HEATR3: variants seen among roughly 807,000 people sequenced by gnomAD.
The protein encoded by HEATR3 is HEAT repeat-containing protein 3.
HEATR3 carries 56 observed loss-of-function variants against 72.8 expected under a neutral mutation model. That is an observed-to-expected ratio of 0.77 (90% CI 0.62 to 0.96). The LOEUF (loss-of-function observed/expected upper bound fraction) is 0.96. HEATR3 is among the 40% of genes least tolerant of loss of function. The pLI is 0.00. For missense variants in HEATR3, 747 were observed against 831.4 expected, an observed-to-expected ratio of 0.90 and a Z score of 1.25; for synonymous variants, 331 against 318.1, an observed-to-expected ratio of 1.04 and a Z score of -0.43.
chr16:50,083,365 C>A (rs1165401169), intron 7 of HEATR3, among the ~76,000 whole-genome samples: 1 of 152,022 alleles, frequency 6.6e-6, no homozygotes, highest in African/African-American at 2.4e-5. Context: ...AAAAAAAAAG[C>A]TTCCTTCTTT....
rs777888453 is a variant in HEATR3 at position 50,070,293 on chromosome 16, A to G, written c.512+3A>G. The G allele has an allele frequency of 5.0e-5, 73 of 1,449,810 alleles. No homozygotes were observed. Among genetic ancestry groups the G allele is most frequent in the Non-Finnish European group, 6.8e-5 (70 of 1,032,762 alleles). 89.8% of individuals were successfully genotyped at this position (1,449,810 alleles called of 1,614,324 possible). A position where few individuals can be genotyped will look rare whatever the true frequency, so the allele number is the denominator to read the frequency against. ...GTGAACGTGCTGTGGAATATATGGT[A>G]AGATGCCTACCAAACACAGTCTCCT... is the stretch of plus-strand genomic sequence containing the variant. On this transcript the variant is annotated splice_donor_region_variant and intron_variant, in intron 4 of 14. Coordinates refer to ENST00000299192, the MANE Select transcript of HEATR3 (RefSeq NM_182922.4).
Position 50,066,378 on chromosome 16 carries a change from G to T in HEATR3, c.150G>T (p.Pro50=). 6.5e-7 allele frequency: 1 copy of T among 1,548,774 alleles called. No individual in the cohort carries two copies. Among genetic ancestry groups the T allele is most frequent in the Non-Finnish European group, 8.6e-7 (1 of 1,158,584 alleles). The change falls in exon 2 of 15, where the codon CCG becomes CCT. Residue 50 remains proline, a synonymous_variant. Coordinates refer to ENST00000299192, the MANE Select transcript of HEATR3 (RefSeq NM_182922.4). ...GCTCTCATCCGCAGCTCCAGCACCC[G>T]AGCGCCGAGGTCCGCGAGTGCGCCT... ...AAELLEKLQH[P]SAEVRECACA... is the part of the protein sequence containing the mutation.
intron 12 of HEATR3, among the ~76,000 whole-genome samples, chr16:50,097,686 G>A (rs2037273168): frequency 1.3e-5 from 2 of 152,172 alleles, no homozygotes; most frequent in South Asian, 2.1e-4. Flanking sequence ...AGGCTGAGGT[G>A]GGCGGATCAC....
At chr16:50,080,918 G>A (rs1395788789) in intron 7 of HEATR3, among the ~76,000 whole-genome samples, 3 of 152,196 alleles carry the variant, frequency 2.0e-5, no homozygotes, top group Non-Finnish European at 4.4e-5. Context: ...TGCTGGGAAT[G>A]AGAGAATGGC....
intron 6 of HEATR3, among the ~76,000 whole-genome samples, chr16:50,076,723 G>A (rs1186508511): frequency 6.0e-5 from 6 of 99,236 alleles, no homozygotes; most frequent in African/African-American, 1.2e-4. Flanking sequence ...TTTTTGAGAC[G>A]GACTCTTGCT....
chr16:50,104,125 G>A (rs931488559), intron 14 of HEATR3, among the ~76,000 whole-genome samples: 1 of 152,138 alleles, frequency 6.6e-6, no homozygotes, highest in Non-Finnish European at 1.5e-5. Context: ...CAAGGTGGTA[G>A]GATCACTTGA....
Position 50,084,284 on chromosome 16 carries a change from C to T in HEATR3, c.1283C>T (p.Pro428Leu), listed in dbSNP as rs200031126. 4 of 1,613,436 alleles carry T rather than the reference C, an allele frequency of 2.5e-6. No homozygotes were observed. The Admixed American group carries it at 5.0e-5, about 20-fold the overall frequency. Residue 428 changes from proline (P) to leucine (L), a missense_variant, in exon 9 of 15, where the codon CCA becomes CTA. By Grantham distance (98) the Pro-to-Leu change is moderately conservative (BLOSUM62 -3). This residue lies in a region of HEATR3 where 586 missense variants were observed against 708.8 expected (regional missense o/e 0.83). Transcript: ENST00000299192. Reference protein sequence around the residue: ...VHTALTNYLIPKKIFEKTAFP... With the variant: ...VHTALTNYLILKKIFEKTAFP... Reference sequence around the variant, plus strand: ...ACGGCTCTCACCAACTACCTCATCCCAAAGAAGGTAATCCATTTTCATTCT... The same window carrying T: ...ACGGCTCTCACCAACTACCTCATCCTAAAGAAGGTAATCCATTTTCATTCT...
chr16:50,102,241 G>T lies in HEATR3; in HGVS notation c.1744-18G>T. On this transcript the variant is annotated intron_variant, in intron 13 of 14. Transcript: ENST00000299192. Reference sequence around the variant, plus strand: ...GAGACTGGTGTTAGTCATACTAAATGTGTTTTGTTGTTTCCAGAACATTGG... The same window carrying T: ...GAGACTGGTGTTAGTCATACTAAATTTGTTTTGTTGTTTCCAGAACATTGG... 6.2e-7 allele frequency: 1 copy of T among 1,604,106 alleles called. No individual in the cohort carries two copies. The highest frequency in any genetic ancestry group is 8.5e-7 in the Non-Finnish European group (1 of 1,175,822).
Position 50,084,157 on chromosome 16 carries a change from G to A in HEATR3, c.1156G>A (p.Glu386Lys). ...NEDPSDDEWE[E>K]LSSSDESDAF... Reference sequence around the variant, plus strand: ...AGATCCCTCTGATGACGAATGGGAAGAGCTTTCTAGCAGTGATGAAAGTGA... The same window carrying A: ...AGATCCCTCTGATGACGAATGGGAAAAGCTTTCTAGCAGTGATGAAAGTGA... The change falls in exon 9 of 15, where the codon GAG becomes AAG. Residue 386 changes from glutamate (E) to lysine (K), a missense_variant. By Grantham distance (56) the Glu-to-Lys change is moderately conservative (BLOSUM62 1). Transcript: ENST00000299192. 2 of 1,614,170 alleles carry A rather than the reference G, an allele frequency of 1.2e-6. No homozygotes were observed. Among genetic ancestry groups the A allele is most frequent in the Non-Finnish European group, 8.5e-7 (1 of 1,180,026 alleles).
chr16:50,088,689 G>GA (rs1481155698), intron 11 of HEATR3, among the ~76,000 whole-genome samples: 2 of 152,208 alleles, frequency 1.3e-5, no homozygotes, highest in South Asian at 2.1e-4. Context: ...AGCCCAGCAA[G>GA]ATGTCCTGTG....
chr16:50,073,048 C>A (rs974375049), intron 5 of HEATR3: 6 of 234,972 alleles, frequency 2.6e-5, no homozygotes, highest in Admixed American at 1.7e-4. Context: ...AACTACCAGG[C>A]CTTTAAGCCA....
Position 50,076,602 on chromosome 16 carries a change from A to G in HEATR3, c.763+891A>G, listed in dbSNP as rs572704565. 3.9e-3 allele frequency among the ~76,000 whole-genome samples: 597 copies of G among 151,796 alleles called. 3 individuals are homozygous for G. Among genetic ancestry groups the G allele is most frequent in the African/African-American group, 0.014 (564 of 41,376 alleles). On this transcript the variant is annotated intron_variant, in intron 6 of 14. Coordinates refer to ENST00000299192, the MANE Select transcript of HEATR3 (RefSeq NM_182922.4). ...GCCCAGGCAGGAGTGCTGTGGTGCA[A>G]TCTTGGCTCACTGCAGCCTCCACCT...
chr16:50,083,917 CTTTTTT>C lies in HEATR3; in HGVS notation c.1042-9_1042-4del. On this transcript the variant is annotated splice_polypyrimidine_tract_variant and intron_variant, in intron 7 of 14. Coordinates refer to ENST00000299192, the MANE Select transcript of HEATR3 (RefSeq NM_182922.4). ...CCAACCATTGAGAGTTGGTCATTTA[CTTTTTT>C]TTTTTTTTTTAAGCCCACTGACAAG... 2.1e-6 allele frequency: 3 copies of C among 1,400,834 alleles called. No homozygotes were observed. Among genetic ancestry groups the C allele is most frequent in the Non-Finnish European group, 2.9e-6 (3 of 1,028,714 alleles). The allele number at this position is 1,400,834 out of a possible 1,614,324, so 86.8% of individuals were successfully genotyped here.
intron 11 of HEATR3, among the ~76,000 whole-genome samples, chr16:50,087,726 G>T (rs564968164): frequency 6.6e-6 from 1 of 152,286 alleles, no homozygotes; most frequent in African/African-American, 2.4e-5. Flanking sequence ...GAAGATATTT[G>T]CTTTCTACAC....
intron 4 of HEATR3, among the ~76,000 whole-genome samples, chr16:50,071,974 G>A (rs1378020460): frequency 6.6e-6 from 1 of 152,106 alleles, no homozygotes; most frequent in Non-Finnish European, 1.5e-5. Context: ...CTCTATTGTA[G>A]ACTGCAAATT....
chr16:50,097,651 A>G (rs1275034075), intron 12 of HEATR3, among the ~76,000 whole-genome samples: 1 of 152,102 alleles, frequency 6.6e-6, no homozygotes, highest in Non-Finnish European at 1.5e-5. Flanking sequence ...ACAGTGGCTC[A>G]TGCCTGTAAT....
At chr16:50,075,477 G>A (rs2036704413) in intron 5 of HEATR3, 94 bp from the exon 6 acceptor site, 1 of 1,167,464 alleles carries the variant, frequency 8.6e-7, no homozygotes, top group Non-Finnish European at 1.2e-6. Context: ...TAATGAAGTG[G>A]TAATGATACA....
intron 10 of HEATR3, among the ~76,000 whole-genome samples, 189 bp downstream of exon 10, chr16:50,084,840 A>T (rs1014251758): frequency 2.0e-5 from 3 of 152,176 alleles, no homozygotes; most frequent in Non-Finnish European, 4.4e-5. Flanking sequence ...AGTGTGTGTC[A>T]CAGTTGCCCC....
At chr16:50,076,180 T>G (rs2036723266) in intron 6 of HEATR3, among the ~76,000 whole-genome samples, 1 of 151,480 alleles carries the variant, frequency 6.6e-6, no homozygotes. Context: ...GAGATTTTTT[T>G]TTTACTTTTT....
Sources: gnomAD v4.1 joint callset for allele counts (sites outside exome capture counted in the v4.1 genomes callset) on GRCh38, gnomAD v4.1.1 for gene constraint, gnomAD v4.1.1 regional missense constraint, MANE v1.5 for transcripts, NCBI Gene and HGNC (gene_info 2026-07-23, HGNC 2026-07-21) for gene names.